The following EPB41L2 variants were observed in gnomAD, a reference collection of about 807,000 sequenced individuals.
The protein encoded by EPB41L2 is erythrocyte membrane protein band 4.1 like 2.
EPB41L2 carries 43 observed loss-of-function variants against 113.0 expected under a neutral mutation model. The observed-to-expected ratio is 0.38, with a 90% confidence interval of 0.30 to 0.49. The LOEUF (loss-of-function observed/expected upper bound fraction) is 0.49. Ranked by LOEUF, EPB41L2 falls within the 20% of genes least tolerant of loss-of-function variation. The pLI is 0.95. For missense variants in EPB41L2, 1,147 were observed against 1,223.4 expected (o/e 0.94, Z 0.93); for synonymous variants, 442 against 436.7 (o/e 1.01, Z -0.15).
At chr6:130,876,582 C>A in intron 14 of EPB41L2, 1 of 731,946 alleles carries the variant, frequency 1.4e-6, no homozygotes. Flanking sequence ...TTTAGTATGA[C>A]ACACAGGAAA....
intron 4 of EPB41L2, among the ~76,000 whole-genome samples, chr6:130,911,227 G>C (rs1245830851): frequency 4.6e-5 from 7 of 152,156 alleles, no homozygotes; most frequent in Non-Finnish European, 8.8e-5. Flanking sequence ...CCTTTGCAGG[G>C]ACATGGATGA....
chr6:131,024,774 T>A (rs908635177), intron 1 of EPB41L2, among the ~76,000 whole-genome samples: 4 of 152,214 alleles, frequency 2.6e-5, no homozygotes, highest in African/African-American at 9.6e-5. Context: ...CCTTAGAGCC[T>A]TCTCTGAGGA....
At chr6:130,946,707 T>C (rs1812949163) in intron 3 of EPB41L2, among the ~76,000 whole-genome samples, 1 of 152,030 alleles carries the variant, frequency 6.6e-6, no homozygotes, top group African/African-American at 2.4e-5. Context: ...TATAACAACA[T>C]GTTAATATAG....
intron 14 of EPB41L2, chr6:130,872,322 C>G (rs747985515): frequency 3.8e-5 from 47 of 1,222,166 alleles, no homozygotes; most frequent in Non-Finnish European, 4.9e-5. Flanking sequence ...AAATGAAAAT[C>G]TCTCTCATAT....
chr6:130,913,872 A>G (rs1187648914), intron 4 of EPB41L2, among the ~76,000 whole-genome samples: 1 of 152,212 alleles, frequency 6.6e-6, no homozygotes, highest in African/African-American at 2.4e-5. Flanking sequence ...GCAGACCAAG[A>G]AGCAGACACA....
At chr6:131,036,344 A>T (rs1359837349) in intron 1 of EPB41L2, among the ~76,000 whole-genome samples, 2 of 152,192 alleles carry the variant, frequency 1.3e-5, no homozygotes, top group Non-Finnish European at 2.9e-5. Flanking sequence ...GCTCATTTTT[A>T]CCTCCACCAT....
At chr6:131,036,759 C>A (rs987572562) in intron 1 of EPB41L2, among the ~76,000 whole-genome samples, 1 of 151,966 alleles carries the variant, frequency 6.6e-6, no homozygotes, top group African/African-American at 2.4e-5. Context: ...TTGTACAAGC[C>A]AGGGTTGAAT....
At chr6:130,893,819 T>C (rs896071021) in intron 10 of EPB41L2, among the ~76,000 whole-genome samples, 1 of 152,076 alleles carries the variant, frequency 6.6e-6, no homozygotes, top group East Asian at 1.9e-4. Flanking sequence ...AGTCAGACCA[T>C]AGGGTTCAAG....
chr6:131,008,313 G>A (rs1415503912), intron 1 of EPB41L2, among the ~76,000 whole-genome samples: 4 of 152,244 alleles, frequency 2.6e-5, no homozygotes, highest in Non-Finnish European at 5.9e-5. Context: ...TGGCATCCAC[G>A]TGGTGTTGAC....
intron 1 of EPB41L2, among the ~76,000 whole-genome samples, chr6:130,997,361 G>C (rs1783379982): frequency 6.6e-6 from 1 of 152,160 alleles, no homozygotes; most frequent in Admixed American, 6.5e-5. Context: ...AAAGACTTAA[G>C]AGTTCCTGCT....
Position 130,885,083 on chromosome 6 carries a change from T to G in EPB41L2, c.1833+13A>C. 1 of 1,613,896 alleles carries G rather than the reference T, an allele frequency of 6.2e-7. No individual in the cohort carries two copies. The highest frequency in any genetic ancestry group is 8.5e-7 in the Non-Finnish European group (1 of 1,179,862). Reference sequence around the variant, plus strand: ...AAATGTTTAAAACCACATACTGTGCTAATTTACCATACCTTTCCTTCAATG... The same window carrying G: ...AAATGTTTAAAACCACATACTGTGCGAATTTACCATACCTTTCCTTCAATG... On this transcript the variant is annotated intron_variant, in intron 12 of 19. Coordinates refer to ENST00000337057, the MANE Select transcript of EPB41L2 (RefSeq NM_001431.4).
In EPB41L2 at chr6:130,858,030, G is replaced by C. The variant is rs1046280359; in HGVS notation, c.*5+101C>G. 2.7e-5 allele frequency: 25 copies of C among 919,976 alleles called. 1 individual carries two copies. In the South Asian group the frequency reaches 3.3e-4, roughly 12 times the overall value. 57.0% of individuals were successfully genotyped at this position (919,976 alleles called of 1,614,324 possible). ...AGTCTAGAAAGTCAAATGTACTATA[G>C]GAAGAAGACACTGATATGAACTTTC... On this transcript the variant is annotated intron_variant, in intron 19 of 19. Transcript: ENST00000337057.
chr6:130,860,952 G>C (rs1193378664), intron 18 of EPB41L2, among the ~76,000 whole-genome samples: 1 of 152,220 alleles, frequency 6.6e-6, no homozygotes, highest in Non-Finnish European at 1.5e-5. Context: ...ACAGGGTGAA[G>C]AATCTGCAAA....
chr6:131,057,252 GCA>G (rs956848118), intron 1 of EPB41L2, among the ~76,000 whole-genome samples: 6 of 152,008 alleles, frequency 3.9e-5, no homozygotes, highest in African/African-American at 1.5e-4. Context: ...CAGAGATGCT[GCA>G]CACACACAGG....
chr6:130,989,781 G>C (rs1046337696), intron 1 of EPB41L2, among the ~76,000 whole-genome samples: 2 of 152,200 alleles, frequency 1.3e-5, no homozygotes, highest in African/African-American at 4.8e-5. Context: ...AATAGGGAAA[G>C]TGTCAGTGGA....
At chr6:130,892,741 G>A (rs972652268) in intron 10 of EPB41L2, among the ~76,000 whole-genome samples, 5 of 152,126 alleles carry the variant, frequency 3.3e-5, no homozygotes, top group African/African-American at 1.2e-4. Flanking sequence ...GATACCAAAC[G>A]AAGAATAATG....
intron 2 of EPB41L2, 100 bp downstream of exon 2, chr6:130,955,894 A>C: frequency 6.6e-7 from 1 of 1,512,122 alleles, no homozygotes; most frequent in South Asian, 1.4e-5. Flanking sequence ...GCAGTATCTC[A>C]GTACAAGAAA....
In EPB41L2 at chr6:130,858,922, T is replaced by C. The variant is rs751953489; in HGVS notation, c.2911-679A>G. Among the ~76,000 whole-genome samples, 11 of 152,358 alleles carry C rather than the reference T, an allele frequency of 7.2e-5. No individual in the cohort carries two copies. The South Asian group carries it at 8.3e-4, about 11-fold the overall frequency. On this transcript the variant is annotated intron_variant, in intron 18 of 19. Coordinates refer to ENST00000337057, the MANE Select transcript of EPB41L2 (RefSeq NM_001431.4). ...TAAAATACAGGTCCCTATTTGACAG[T>C]TGACAAAACTGCAGGCACAAAGATT...
intron 1 of EPB41L2, chr6:130,970,392 C>T (rs904259004): frequency 2.6e-5 from 4 of 152,220 alleles, no homozygotes; most frequent in African/African-American, 9.6e-5. Flanking sequence ...AGACTGGCTC[C>T]ACCCAAGCCA....
Sources: gnomAD v4.1 joint callset for allele counts (sites outside exome capture counted in the v4.1 genomes callset) on GRCh38, gnomAD v4.1.1 for gene constraint, MANE v1.5 for transcripts, NCBI Gene and HGNC (gene_info 2026-07-23, HGNC 2026-07-21) for gene names.